FANCM: variants seen among roughly 807,000 people sequenced by gnomAD.
The protein encoded by FANCM is FA complementation group M.
FANCM carries 140 observed loss-of-function variants against 199.5 expected under a neutral mutation model. The observed-to-expected ratio is 0.70, with a 90% CI of 0.61 to 0.81. The LOEUF (loss-of-function observed/expected upper bound fraction) is 0.81. Among genes scored for constraint, FANCM ranks in the 30% least tolerant of loss-of-function variants. FANCM has a pLI of 0.00. For synonymous variants in FANCM, 840 were observed against 836.8 expected, an observed-to-expected ratio of 1.00 and a Z score of -0.07; for missense variants, 2,410 against 2,421.4, an observed-to-expected ratio of 1.00 and a Z score of 0.10.
chr14:45,139,325 A>G (rs1885749140), intron 2 of FANCM, among the ~76,000 whole-genome samples: 1 of 152,218 alleles, frequency 6.6e-6, no homozygotes, highest in Admixed American at 6.5e-5. Context: ...ATTAATCAAG[A>G]TTCAGTGTTA....
At chr14:45,194,375 G>T (rs1302695298) in intron 20 of FANCM, among the ~76,000 whole-genome samples, 2 of 149,880 alleles carry the variant, frequency 1.3e-5, no homozygotes, top group Non-Finnish European at 3.0e-5. Context: ...TTCCTTCCTT[G>T]TACAAAGGTA....
chr14:45,176,718 T>G lies in FANCM; in HGVS notation c.3964T>G (p.Ser1322Ala). Residue 1322 changes from serine to alanine, a missense_variant, in exon 14 of 23, where the codon TCT becomes GCT. Coordinates refer to ENST00000267430, the MANE Select transcript of FANCM (RefSeq NM_020937.4). The part of the protein sequence containing the change: ...LSAAKNEELL[S>A]PGYSQFSLPV... ...TGCAGCAAAAAATGAAGAATTGTTA[T>G]CTCCTGGTTATTCTCAGTTTTCTTT... is the stretch of plus-strand genomic sequence containing the variant. 4 of 1,613,570 alleles carry G rather than the reference T, an allele frequency of 2.5e-6. No homozygotes were observed. Among genetic ancestry groups the G allele is most frequent in the Non-Finnish European group, 3.4e-6 (4 of 1,179,742 alleles).
chr14:45,139,435 A>G (rs1179058966), intron 2 of FANCM, among the ~76,000 whole-genome samples: 1 of 152,166 alleles, frequency 6.6e-6, no homozygotes, highest in African/African-American at 2.4e-5. Context: ...GAACTATGGT[A>G]TACTGAGAGC....
chr14:45,136,767 T>C (rs1885545131), intron 1 of FANCM, among the ~76,000 whole-genome samples: 1 of 152,236 alleles, frequency 6.6e-6, no homozygotes, highest in Non-Finnish European at 1.5e-5. Context: ...CATGGGTAAC[T>C]GAACATGATA....
Position 45,188,843 on chromosome 14 carries a change from T to G in FANCM, c.4821T>G (p.Cys1607Trp), listed in dbSNP as rs572955954. ...QDETYLEDSFCVDEEESCKGQ... is the reference protein window; with the variant it reads ...QDETYLEDSFWVDEEESCKGQ... ...AAACCTATTTAGAGGATAGTTTTTGTGTTGATGAAGAGGAGTCTTGCAAAG... is the reference window on the plus strand; with the variant it reads ...AAACCTATTTAGAGGATAGTTTTTGGGTTGATGAAGAGGAGTCTTGCAAAG... Residue 1607 changes from cysteine (C) to tryptophan (W), a missense_variant, in exon 20 of 23, where the codon TGT (cysteine) becomes TGG (tryptophan). By Grantham distance (215) the Cys-to-Trp change is radical. Coordinates refer to ENST00000267430, the MANE Select transcript of FANCM (RefSeq NM_020937.4). 3 of 1,613,494 alleles carry G rather than the reference T, an allele frequency of 1.9e-6. No individual in the cohort carries two copies. The South Asian group carries it at 3.3e-5, about 18-fold the overall frequency.
chr14:45,151,130 A>G (rs1399018955), intron 4 of FANCM, among the ~76,000 whole-genome samples: 2 of 152,034 alleles, frequency 1.3e-5, no homozygotes, highest in Non-Finnish European at 2.9e-5. Context: ...GTTGAGAGAG[A>G]GAGGAGTTAA....
chr14:45,137,092 A>T lies in FANCM; in HGVS notation c.532A>T (p.Lys178Ter). The T allele has an allele frequency of 6.2e-7, 1 of 1,613,370 alleles. No individual in the cohort carries two copies. The highest frequency in any genetic ancestry group is 1.1e-5 in the South Asian group (1 of 91,082). ...MTGSTQASTR[K>*]EIWCSKRVLF... ...AGGGTCTACACAAGCTTCCACCAGG[A>T]AGGAAATATGGTGCAGTAAGAGAGT... Residue 178 changes from lysine to a stop codon, truncating the protein, a stop_gained, in exon 2 of 23, where the codon AAG becomes TAG. Transcript: ENST00000267430. LOFTEE classifies it high-confidence loss of function.
At chr14:45,194,269 T>A (rs865965166) in intron 20 of FANCM, among the ~76,000 whole-genome samples, 23 of 148,124 alleles carry the variant, frequency 1.6e-4, no homozygotes, top group African/African-American at 5.8e-4. Flanking sequence ...ACCATTGCAC[T>A]CCAGCCTGGG....
chr14:45,179,561 C>CTTTTTTTTTTTTTT (rs36031280), intron 14 of FANCM, among the ~76,000 whole-genome samples: 1 of 95,486 alleles, frequency 1.0e-5, no homozygotes. Context: ...TTCTTTCTTT[C>CTTTTTTTTTTTTTT]TTTTTTTTTT....
At chr14:45,145,624 A>T (rs1886307621) in intron 3 of FANCM, among the ~76,000 whole-genome samples, 1 of 152,164 alleles carries the variant, frequency 6.6e-6, no homozygotes, top group African/African-American at 2.4e-5. Flanking sequence ...GGTGTCCATG[A>T]TTCAAGATTG....
intron 5 of FANCM, among the ~76,000 whole-genome samples, chr14:45,152,362 T>C (rs1343488475): frequency 6.6e-6 from 1 of 152,196 alleles, no homozygotes; most frequent in Non-Finnish European, 1.5e-5. Flanking sequence ...AAGAAGAATT[T>C]GTCTTTTAGT....
In FANCM at chr14:45,196,030, T is replaced by C. The variant is rs977843320; in HGVS notation, c.5341-142T>C. ...GGTGTAAGAGTAGTGACTTATGTGT[T>C]CCTTCATTTATTGTCACTTTGGTCA... On this transcript the variant is annotated intron_variant, in intron 20 of 22. Coordinates refer to ENST00000267430, the MANE Select transcript of FANCM (RefSeq NM_020937.4). The C allele has an allele frequency of 4.2e-5, 35 of 835,710 alleles. No homozygotes were observed. In the Admixed American group the frequency reaches 6.2e-4, roughly 15 times the overall value. 51.8% of individuals were successfully genotyped at this position (835,710 alleles called of 1,614,324 possible). A position where few individuals can be genotyped will look rare whatever the true frequency, so the allele number is the denominator to read the frequency against.
chr14:45,151,308 A>G (rs757290871), intron 4 of FANCM, 89 bp from the exon 5 acceptor site: 7 of 1,049,498 alleles, frequency 6.7e-6, no homozygotes, highest in Non-Finnish European at 1.0e-5. Context: ...TATTAAATAT[A>G]TAATTCCTAT....
intron 11 of FANCM, 163 bp downstream of exon 11, chr14:45,167,326 A>G: frequency 3.2e-6 from 2 of 632,432 alleles, no homozygotes; most frequent in East Asian, 5.6e-5. Context: ...TCATGTGGCA[A>G]ATGGAGAGAC....
intron 1 of FANCM, 65 bp from the exon 2 acceptor site, chr14:45,137,004 G>C (rs1362261563): frequency 8.0e-7 from 1 of 1,244,296 alleles, no homozygotes; most frequent in East Asian, 2.3e-5. Context: ...GAAAAAGCCA[G>C]ACTATTTATA....
chr14:45,146,426 C>T (rs1566729175), intron 3 of FANCM, among the ~76,000 whole-genome samples: 1 of 152,006 alleles, frequency 6.6e-6, no homozygotes. Context: ...CCATCTTGCT[C>T]CATGCTTCCA....
rs1887488426 is a variant in FANCM at position 45,160,092 on chromosome 14, C to G, written c.1581+812C>G. On this transcript the variant is annotated intron_variant, in intron 9 of 22. Coordinates refer to ENST00000267430, the MANE Select transcript of FANCM (RefSeq NM_020937.4). ...CTTGGCTCACTGCAACCTCCGCCTCCCAGGTTCAAGCAATTCTCCTGCCTC... is the reference window on the plus strand; with the variant it reads ...CTTGGCTCACTGCAACCTCCGCCTCGCAGGTTCAAGCAATTCTCCTGCCTC... 5.3e-5 allele frequency among the ~76,000 whole-genome samples: 8 copies of G among 150,716 alleles called. No homozygotes were observed. In the South Asian group the frequency reaches 1.5e-3, roughly 28 times the overall value.
intron 11 of FANCM, among the ~76,000 whole-genome samples, chr14:45,169,620 C>T (rs994109251): frequency 6.6e-6 from 1 of 151,788 alleles, no homozygotes; most frequent in Non-Finnish European, 1.5e-5. Context: ...AGGCTGGACT[C>T]AAACTCCTGG....
chr14:45,184,249 C>A (rs1217424593), intron 17 of FANCM, among the ~76,000 whole-genome samples: 1 of 152,040 alleles, frequency 6.6e-6, no homozygotes, highest in African/African-American at 2.4e-5. Context: ...TATTTGTATC[C>A]AATTTTCAAA....
Sources: gnomAD v4.1 joint callset for allele counts (sites outside exome capture counted in the v4.1 genomes callset) on GRCh38, gnomAD v4.1.1 for gene constraint, MANE v1.5 for transcripts, NCBI Gene and HGNC (gene_info 2026-07-23, HGNC 2026-07-21) for gene names.